UBASH3B: variants seen among roughly 807,000 people sequenced by gnomAD.
The protein encoded by UBASH3B is ubiquitin associated and SH3 domain containing B.
Under a neutral mutation model 83.4 loss-of-function variants are expected in UBASH3B, and 37 were observed. The ratio of observed to expected loss-of-function variants is 0.44; its 90% CI spans 0.34 to 0.58. The LOEUF (loss-of-function observed/expected upper bound fraction) is 0.58, where lower values mean the gene tolerates loss of function less well. Ranked by LOEUF, UBASH3B falls within the 20% of genes least tolerant of loss-of-function variation. The pLI is 0.01. For missense variants in UBASH3B, 657 were observed against 827.2 expected (o/e 0.79, Z 2.52); for synonymous variants, 304 against 318.3 (o/e 0.96, Z 0.48).
Position 122,655,801 on chromosome 11 carries a change from G to A in UBASH3B, c.-249G>A. 2 of 439,752 alleles carry A rather than the reference G, an allele frequency of 4.5e-6. No homozygotes were observed. The highest frequency in any genetic ancestry group is 6.0e-4 in the Middle Eastern group (1 of 1,666). The allele number at this position is 439,752 out of a possible 1,614,324, so 27.2% of individuals were successfully genotyped here. A position where few individuals can be genotyped will look rare whatever the true frequency, so the allele number is the denominator to read the frequency against. On this transcript the variant is annotated 5_prime_UTR_variant, in exon 1 of 14. Transcript: ENST00000284273. ...GGCTACTGCAGGCGCAGAGCTGGGG[G>A]CAGCCGGGGGCCCGAGTGGCTGAGG...
chr11:122,759,150 G>A lies in UBASH3B; in HGVS notation c.162-17069G>A, dbSNP rs1861329866. ...ACTTATAAGCTCACCCACATTGTTG[G>A]CAGAAGTCATTTCCTTTTGGTTATA... On this transcript the variant is annotated intron_variant, in intron 1 of 13. Coordinates refer to ENST00000284273, the MANE Select transcript of UBASH3B (RefSeq NM_032873.5). The surrounding 1 kb of genome is among the most constrained non-coding windows in gnomAD (Gnocchi z 4.1). Among the ~76,000 whole-genome samples the A allele has an allele frequency of 6.6e-6, 1 of 152,166 alleles. No homozygotes were observed.
At chr11:122,692,723 T>G (rs1175910404) in intron 1 of UBASH3B, among the ~76,000 whole-genome samples, 1 of 152,208 alleles carries the variant, frequency 6.6e-6, no homozygotes, top group African/African-American at 2.4e-5. Flanking sequence ...TAGCCAGAGA[T>G]GCTTTCATTC....
intron 1 of UBASH3B, among the ~76,000 whole-genome samples, chr11:122,731,373 A>T (rs1385378904): frequency 6.6e-6 from 1 of 152,092 alleles, no homozygotes; most frequent in Non-Finnish European, 1.5e-5. Context: ...TCACCTTTTC[A>T]CTTAAATGGA....
At chr11:122,741,755 G>A (rs1436166461) in intron 1 of UBASH3B, among the ~76,000 whole-genome samples, 4 of 152,148 alleles carry the variant, frequency 2.6e-5, no homozygotes, top group African/African-American at 4.8e-5. Flanking sequence ...GAACTTGGGT[G>A]GCCAGGCTGC....
At chr11:122,780,178 C>T (rs1416887601) in intron 4 of UBASH3B, among the ~76,000 whole-genome samples, 1 of 152,084 alleles carries the variant, frequency 6.6e-6, no homozygotes, top group Non-Finnish European at 1.5e-5. Flanking sequence ...CAATAAAATC[C>T]ACTGAACCAA....
At chr11:122,679,780 T>A (rs530505592) in intron 1 of UBASH3B, among the ~76,000 whole-genome samples, 27 of 152,358 alleles carry the variant, frequency 1.8e-4, no homozygotes, top group African/African-American at 5.8e-4. Context: ...TAATTTCATA[T>A]AATTTCCATC....
intron 1 of UBASH3B, chr11:122,774,170 G>A (rs755602561): frequency 5.0e-4 from 493 of 985,424 alleles, no homozygotes; most frequent in Non-Finnish European, 5.6e-4. Flanking sequence ...GGGAATGAGC[G>A]TGTGTGGGTC....
intron 1 of UBASH3B, among the ~76,000 whole-genome samples, chr11:122,679,570 G>T (rs1403272578): frequency 6.6e-6 from 1 of 152,178 alleles, no homozygotes; most frequent in African/African-American, 2.4e-5. Flanking sequence ...GTACACTGAA[G>T]TCTGGGACAC....
chr11:122,804,012 T>G (rs1167348193), intron 11 of UBASH3B, among the ~76,000 whole-genome samples: 1 of 152,038 alleles, frequency 6.6e-6, no homozygotes, highest in Non-Finnish European at 1.5e-5. Flanking sequence ...TTTAAGGTGC[T>G]GGGAGAAGCC....
chr11:122,775,341 T>G (rs1860714224), intron 1 of UBASH3B, among the ~76,000 whole-genome samples: 1 of 152,236 alleles, frequency 6.6e-6, no homozygotes, highest in Non-Finnish European at 1.5e-5. Context: ...TATGGATACT[T>G]AGCTACAGTT....
In UBASH3B at chr11:122,810,879, T is replaced by C. The variant is rs1264964102; in HGVS notation, c.*993T>C. On this transcript the variant is annotated 3_prime_UTR_variant, in exon 14 of 14. Transcript: ENST00000284273. Reference sequence around the variant, plus strand: ...ACATGTTTGCAAACCATACCAAGGGTCAGGTTGTTGTACACTTACAGTACG... The same window carrying C: ...ACATGTTTGCAAACCATACCAAGGGCCAGGTTGTTGTACACTTACAGTACG... 1 of 152,286 alleles carries C rather than the reference T, an allele frequency of 6.6e-6. No homozygotes were observed. The highest frequency in any genetic ancestry group is 2.1e-4 in the South Asian group (1 of 4,828). The allele number at this position is 152,286 out of a possible 1,614,324, so 9.4% of individuals were successfully genotyped here. A position where few individuals can be genotyped will look rare whatever the true frequency, so the allele number is the denominator to read the frequency against.
chr11:122,731,844 A>C (rs888883678), intron 1 of UBASH3B, among the ~76,000 whole-genome samples: 15 of 152,116 alleles, frequency 9.9e-5, no homozygotes, highest in Non-Finnish European at 1.8e-4. Flanking sequence ...CTCTTGTCAC[A>C]CTCACTACTG....
At chr11:122,770,162 G>A (rs150203905) in intron 1 of UBASH3B, among the ~76,000 whole-genome samples, 4 of 152,338 alleles carry the variant, frequency 2.6e-5, no homozygotes, top group East Asian at 1.9e-4. Flanking sequence ...CTACCGCCAC[G>A]CATGTGAGTC....
At chr11:122,723,740 C>A (rs1032734124) in intron 1 of UBASH3B, among the ~76,000 whole-genome samples, 2 of 152,180 alleles carry the variant, frequency 1.3e-5, no homozygotes, top group African/African-American at 2.4e-5. Context: ...AGTGGTAAAC[C>A]TTTCCTGTTT....
At chr11:122,699,521 T>TTCTC (rs1196022609) in intron 1 of UBASH3B, among the ~76,000 whole-genome samples, 3 of 116,998 alleles carry the variant, frequency 2.6e-5, no homozygotes, top group African/African-American at 1.0e-4. Context: ...TTCTTTCTCT[T>TTCTC]TCTTTCTTTC....
intron 3 of UBASH3B, among the ~76,000 whole-genome samples, chr11:122,777,992 A>C: frequency 6.6e-6 from 1 of 151,586 alleles, no homozygotes; most frequent in East Asian, 1.9e-4. Flanking sequence ...AGCCTCCCAA[A>C]GTGCTGGGAT....
chr11:122,730,250 C>A (rs1860819636), intron 1 of UBASH3B, among the ~76,000 whole-genome samples: 1 of 152,196 alleles, frequency 6.6e-6, no homozygotes, highest in South Asian at 2.1e-4. Flanking sequence ...GGCTTGGTGG[C>A]TGTGGAAGAA....
chr11:122,710,682 G>A (rs1214252468), intron 1 of UBASH3B, among the ~76,000 whole-genome samples: 1 of 152,170 alleles, frequency 6.6e-6, no homozygotes, highest in African/African-American at 2.4e-5. Context: ...TGGTATAGGG[G>A]GTGGAAGCTG....
chr11:122,731,560 G>A (rs1477310131), intron 1 of UBASH3B, among the ~76,000 whole-genome samples: 2 of 152,168 alleles, frequency 1.3e-5, no homozygotes, highest in Non-Finnish European at 2.9e-5. Context: ...AACAGGCGGA[G>A]AGTGCAAACA....
Sources: gnomAD v4.1 joint callset for allele counts (sites outside exome capture counted in the v4.1 genomes callset) on GRCh38, gnomAD v4.1.1 for gene constraint, Gnocchi (gnomAD v3.1) non-coding constraint, MANE v1.5 for transcripts, NCBI Gene and HGNC (gene_info 2026-07-23, HGNC 2026-07-21) for gene names.